RALGPS2: variants seen among roughly 807,000 people sequenced by gnomAD.
RALGPS2 encodes Ral GEF with PH domain and SH3 binding motif 2.
A neutral mutation model predicts 86.8 loss-of-function variants in RALGPS2; 43 were observed. That is an observed-to-expected ratio of 0.50 (90% confidence interval 0.39 to 0.64). The LOEUF is 0.64. RALGPS2 is among the 30% of genes least tolerant of loss of function. The pLI, the probability that RALGPS2 is intolerant of heterozygous loss-of-function variation, is 0.00. For synonymous variants in RALGPS2, 243 were observed against 231.3 expected, an observed-to-expected ratio of 1.05 and a Z score of -0.46; for missense variants, 536 against 694.6, an observed-to-expected ratio of 0.77 and a Z score of 2.57.
chr1:178,831,370 C>T (rs1368543220), intron 7 of RALGPS2, among the ~76,000 whole-genome samples: 1 of 152,074 alleles, frequency 6.6e-6, no homozygotes, highest in Admixed American at 6.5e-5. Flanking sequence ...AGATACAAAC[C>T]AAGGTGATGA....
intron 7 of RALGPS2, 42 bp downstream of exon 7, chr1:178,821,746 T>C: frequency 7.2e-7 from 1 of 1,394,124 alleles, no homozygotes; most frequent in Admixed American, 1.8e-5. Flanking sequence ...AGACTTCCTG[T>C]GGAAAGGAAA....
At chr1:178,763,045 A>G (rs1652330270) in intron 1 of RALGPS2, among the ~76,000 whole-genome samples, 1 of 152,204 alleles carries the variant, frequency 6.6e-6, no homozygotes, top group Non-Finnish European at 1.5e-5. Flanking sequence ...GAAGGGGTCC[A>G]GTTTTAGTCT....
intron 8 of RALGPS2, among the ~76,000 whole-genome samples, chr1:178,852,304 A>G (rs1024053431): frequency 1.3e-5 from 2 of 152,168 alleles, no homozygotes; most frequent in Non-Finnish European, 2.9e-5. Context: ...TCTCTCCTCC[A>G]GTGAGTAAGC....
At chr1:178,859,401 C>CTTTTTTT (rs543947031) in intron 8 of RALGPS2, among the ~76,000 whole-genome samples, 5 of 122,902 alleles carry the variant, frequency 4.1e-5, no homozygotes, top group African/African-American at 9.3e-5. Flanking sequence ...CCAAGTTTAA[C>CTTTTTTT]TTTTTTTTTT....
chr1:178,765,707 C>A (rs1318610663), intron 1 of RALGPS2, among the ~76,000 whole-genome samples: 1 of 152,176 alleles, frequency 6.6e-6, no homozygotes, highest in South Asian at 2.1e-4. Context: ...CGTCCCTTAT[C>A]TACAACCATA....
At chr1:178,765,815 G>A (rs574708544) in intron 1 of RALGPS2, among the ~76,000 whole-genome samples, 4 of 152,236 alleles carry the variant, frequency 2.6e-5, no homozygotes, top group Non-Finnish European at 5.9e-5. Flanking sequence ...AGAATTCAGC[G>A]ATACTTCTCC....
intron 4 of RALGPS2, 77 bp downstream of exon 4, chr1:178,785,684 T>A: frequency 6.8e-7 from 1 of 1,472,034 alleles, no homozygotes. Flanking sequence ...AAATGTCAAA[T>A]TATACTTCAT....
chr1:178,783,142 C>T (rs2102124445), intron 2 of RALGPS2, among the ~76,000 whole-genome samples: 1 of 152,054 alleles, frequency 6.6e-6, no homozygotes. Flanking sequence ...ATAATATAGG[C>T]AGGGATATTA....
intron 4 of RALGPS2, among the ~76,000 whole-genome samples, chr1:178,787,872 A>G (rs751210410): frequency 6.6e-5 from 10 of 152,108 alleles, no homozygotes; most frequent in Non-Finnish European, 1.5e-4. Flanking sequence ...ACCCCTCTAA[A>G]TGCTTTTTTA....
In RALGPS2 at chr1:178,828,939, A is replaced by G. The variant is rs150988879; in HGVS notation, c.481-4485A>G. Reference sequence around the variant, plus strand: ...TCTGAGTATGTGTCCAGAGAAATTGAAATTGATATGTCAAAGAGATATCTG... The same window carrying G: ...TCTGAGTATGTGTCCAGAGAAATTGGAATTGATATGTCAAAGAGATATCTG... On this transcript the variant is annotated intron_variant, in intron 7 of 19. Transcript: ENST00000367635. Among the ~76,000 whole-genome samples, 402 of 152,328 alleles carry G rather than the reference A, an allele frequency of 2.6e-3. 1 individual carries two copies. The highest frequency in any genetic ancestry group is 9.0e-3 in the African/African-American group (376 of 41,562).
At position 178,752,317 on chromosome 1, in the gene RALGPS2, ATTT is replaced by A. The variant is rs562112755; in HGVS notation, c.-83-24354_-83-24352del. Among the ~76,000 whole-genome samples the A allele has an allele frequency of 4.1e-4, 56 of 137,230 alleles. 2 individuals carry two copies. In the East Asian group the frequency reaches 5.8e-3, roughly 14 times the overall value. 90.0% of individuals were successfully genotyped at this position (137,230 alleles called of 152,430 possible). On this transcript the variant is annotated intron_variant, in intron 1 of 19. Coordinates refer to ENST00000367635, the MANE Select transcript of RALGPS2 (RefSeq NM_152663.5). ...AACCACCATGCCCAGCTAATTTTTA[ATTT>A]TTTTTTTTTTGTAGAGATTGGTGGC...
intron 4 of RALGPS2, among the ~76,000 whole-genome samples, chr1:178,802,655 A>G (rs183187542): frequency 1.3e-5 from 2 of 152,334 alleles, no homozygotes. Flanking sequence ...AAATTATTAT[A>G]GTAGAACAGT....
At chr1:178,891,204 A>G (rs1001054632) in intron 14 of RALGPS2, among the ~76,000 whole-genome samples, 50 of 152,154 alleles carry the variant, frequency 3.3e-4, no homozygotes, top group Admixed American at 2.8e-3. Context: ...TGTGTGGCTA[A>G]AAAAAGCTAC....
At chr1:178,874,654 T>G (rs1055542449) in intron 8 of RALGPS2, among the ~76,000 whole-genome samples, 2 of 152,250 alleles carry the variant, frequency 1.3e-5, no homozygotes, top group Non-Finnish European at 2.9e-5. Context: ...CTGTTATTGA[T>G]GTACATATGC....
chr1:178,807,253 C>T (rs763409484), intron 4 of RALGPS2, among the ~76,000 whole-genome samples: 1 of 152,086 alleles, frequency 6.6e-6, no homozygotes, highest in Non-Finnish European at 1.5e-5. Context: ...GAAGAATTGC[C>T]TGAGACAGGG....
chr1:178,844,882 C>G (rs1656792532), intron 8 of RALGPS2, among the ~76,000 whole-genome samples: 1 of 152,032 alleles, frequency 6.6e-6, no homozygotes, highest in Admixed American at 6.6e-5. Flanking sequence ...GTAGCTCGAC[C>G]AAGAAAGCAT....
chr1:178,913,821 T>C (rs1660711739), intron 19 of RALGPS2, among the ~76,000 whole-genome samples: 1 of 152,126 alleles, frequency 6.6e-6, no homozygotes, highest in Admixed American at 6.5e-5. Context: ...GGCTTTTTCC[T>C]CTGGCCTCTT....
At chr1:178,865,655 T>C (rs758857810) in intron 8 of RALGPS2, 2 of 1,614,102 alleles carry the variant, frequency 1.2e-6, no homozygotes, top group African/African-American at 1.3e-5. Flanking sequence ...CTCTTTACCA[T>C]CTGTGGCACG....
At chr1:178,913,303 AAAAG>A (rs752808354) in intron 19 of RALGPS2, among the ~76,000 whole-genome samples, 35 of 150,000 alleles carry the variant, frequency 2.3e-4, no homozygotes, top group Admixed American at 4.0e-4. Flanking sequence ...AAAGAAAAGA[AAAAG>A]AAAGAAATTT....
Sources: gnomAD v4.1 joint callset for allele counts (sites outside exome capture counted in the v4.1 genomes callset) on GRCh38, gnomAD v4.1.1 for gene constraint, MANE v1.5 for transcripts, NCBI Gene and HGNC (gene_info 2026-07-23, HGNC 2026-07-21) for gene names.